SCHIP1: variants seen among roughly 807,000 people sequenced by gnomAD.
SCHIP1 encodes the protein schwannomin-interacting protein 1.
SCHIP1 carries 8 observed loss-of-function variants against 29.7 expected under a neutral mutation model. That is an observed-to-expected ratio of 0.27 (90% CI 0.16 to 0.49). The LOEUF (loss-of-function observed/expected upper bound fraction) is 0.49, where lower values mean the gene tolerates loss of function less well. Ranked by LOEUF, SCHIP1 falls within the 20% of genes least tolerant of loss-of-function variation. SCHIP1 has a pLI of 0.99. For synonymous variants in SCHIP1, 76 were observed against 94.9 expected, an observed-to-expected ratio of 0.80 and a Z score of 1.16; for missense variants, 193 against 294.6, an observed-to-expected ratio of 0.66 and a Z score of 2.52.
chr3:159,879,184 T>C (rs2109365114), intron 2 of SCHIP1, among the ~76,000 whole-genome samples: 1 of 152,234 alleles, frequency 6.6e-6, no homozygotes, highest in African/African-American at 2.4e-5. Context: ...TATTTCACCA[T>C]AATATACTTT....
chr3:159,353,809 C>A, the SCHIP1 span, among the ~76,000 whole-genome samples: 1 of 152,272 alleles, frequency 6.6e-6, no homozygotes, highest in Admixed American at 6.5e-5. Flanking sequence ...TAATATTTAT[C>A]TTCTATCTGG....
the SCHIP1 span, among the ~76,000 whole-genome samples, chr3:159,571,711 C>T: frequency 2.3e-4 from 35 of 152,270 alleles, no homozygotes; most frequent in Admixed American, 9.2e-4. Context: ...GTACTAGCTC[C>T]TCTTTGTACC....
At chr3:159,672,046 T>C in the SCHIP1 span, among the ~76,000 whole-genome samples, 664 of 152,304 alleles carry the variant, frequency 4.4e-3, 8 homozygotes, top group Admixed American at 0.024. Context: ...TTGGGGATAA[T>C]TGGAACCTCA....
chr3:159,482,375 G>A, the SCHIP1 span, among the ~76,000 whole-genome samples: 1 of 152,128 alleles, frequency 6.6e-6, no homozygotes, highest in Admixed American at 6.6e-5. Flanking sequence ...ACTGCAAGGA[G>A]TTCAATTCTG....
At chr3:159,792,537 A>G in the SCHIP1 span, among the ~76,000 whole-genome samples, 2 of 152,222 alleles carry the variant, frequency 1.3e-5, no homozygotes, top group Non-Finnish European at 2.9e-5. Flanking sequence ...TAGTCATTGT[A>G]AAATTTAATA....
chr3:159,853,610 G>T (rs1712946766), intron 1 of SCHIP1, among the ~76,000 whole-genome samples: 1 of 152,208 alleles, frequency 6.6e-6, no homozygotes, highest in Non-Finnish European at 1.5e-5. Flanking sequence ...AATGCATTAA[G>T]CTAGGAAAGT....
the SCHIP1 span, among the ~76,000 whole-genome samples, chr3:159,333,268 G>A: frequency 2.6e-5 from 4 of 152,196 alleles, no homozygotes; most frequent in East Asian, 7.7e-4. Context: ...GGGTCCATTG[G>A]ATCCCTGATA....
chr3:159,482,013 G>C, the SCHIP1 span, among the ~76,000 whole-genome samples: 17,441 of 152,094 alleles, frequency 0.11, 1,039 homozygotes, highest in Non-Finnish European at 0.13. Flanking sequence ...GGTGGTATGA[G>C]CGTATGTGTA....
chr3:159,858,811 A>G (rs1173431146), intron 1 of SCHIP1, among the ~76,000 whole-genome samples: 2 of 152,168 alleles, frequency 1.3e-5, no homozygotes, highest in African/African-American at 2.4e-5. Context: ...GTCCTGAGCA[A>G]TTTACACCCA....
At chr3:159,701,770 T>C in the SCHIP1 span, among the ~76,000 whole-genome samples, 1 of 152,146 alleles carries the variant, frequency 6.6e-6, no homozygotes, top group South Asian at 2.1e-4. Context: ...TTTTTTTTCT[T>C]TGCTTTATAT....
chr3:159,866,455 T>TTTG lies in SCHIP1; in HGVS notation c.149+189_149+191dup, dbSNP rs201902125. ...CCTTCCCCACTTGTTTGTCGGTTTCTTTGTTGTTGTTGTTGTTATTATTGG... is the reference window on the plus strand; with the variant it reads ...CCTTCCCCACTTGTTTGTCGGTTTCTTTGTTGTTGTTGTTGTTGTTATTATTGG... On this transcript the variant is annotated intron_variant, in intron 2 of 6. Transcript: ENST00000445224. 5.0e-3 allele frequency among the ~76,000 whole-genome samples: 768 copies of TTTG among 152,264 alleles called. 8 individuals carry two copies. Among genetic ancestry groups the TTTG allele is most frequent in the African/African-American group, 0.017 (696 of 41,544 alleles).
At chr3:159,510,030 G>A in the SCHIP1 span, among the ~76,000 whole-genome samples, 3 of 152,254 alleles carry the variant, frequency 2.0e-5, no homozygotes, top group East Asian at 5.8e-4. Flanking sequence ...GCTAGGTTGG[G>A]GAAGTTCTCC....
chr3:159,610,240 A>G, the SCHIP1 span, among the ~76,000 whole-genome samples: 1 of 152,102 alleles, frequency 6.6e-6, no homozygotes, highest in African/African-American at 2.4e-5. Context: ...ATGACATGGG[A>G]TGGAGGTGGA....
At chr3:159,630,339 C>T in the SCHIP1 span, among the ~76,000 whole-genome samples, 2 of 151,806 alleles carry the variant, frequency 1.3e-5, no homozygotes, top group African/African-American at 4.8e-5. Context: ...TGACTAGAAA[C>T]AAAAGAGAAA....
At chr3:159,468,777 A>ATATATATTT in the SCHIP1 span, among the ~76,000 whole-genome samples, 19 of 127,338 alleles carry the variant, frequency 1.5e-4, no homozygotes, top group African/African-American at 5.8e-4. Flanking sequence ...ATATATATAT[A>ATATATATTT]TTTTTTTTAG....
chr3:159,660,046 T>C, the SCHIP1 span, among the ~76,000 whole-genome samples: 756 of 152,318 alleles, frequency 5.0e-3, 7 homozygotes, highest in African/African-American at 0.018. Context: ...TCCTTCTGAC[T>C]CTGGCAGCTG....
At chr3:159,367,764 C>T in the SCHIP1 span, among the ~76,000 whole-genome samples, 1 of 151,886 alleles carries the variant, frequency 6.6e-6, no homozygotes, top group Non-Finnish European at 1.5e-5. Context: ...CTAGAATATC[C>T]TGAAGAGGTA....
At chr3:159,299,186 T>C in the SCHIP1 span, among the ~76,000 whole-genome samples, 1 of 152,210 alleles carries the variant, frequency 6.6e-6, no homozygotes, top group Admixed American at 6.5e-5. Flanking sequence ...ACAAGATTAT[T>C]TGGCTGACTG....
chr3:159,520,087 C>T, the SCHIP1 span, among the ~76,000 whole-genome samples: 1 of 145,776 alleles, frequency 6.9e-6, no homozygotes, highest in Non-Finnish European at 1.5e-5. Flanking sequence ...CACAATCTCC[C>T]TCATCAAATA....
Sources: gnomAD v4.1 joint callset for allele counts (sites outside exome capture counted in the v4.1 genomes callset) on GRCh38, gnomAD v4.1.1 for gene constraint, MANE v1.5 for transcripts, NCBI Gene and HGNC (gene_info 2026-07-23, HGNC 2026-07-21) for gene names.